NHS: variants seen among roughly 807,000 people sequenced by gnomAD.
NHS encodes the protein NHS actin remodeling regulator.
A neutral mutation model predicts 72.5 loss-of-function variants in NHS; 5 were observed. The observed-to-expected ratio is 0.07, with a 90% CI of 0.04 to 0.14. The LOEUF is 0.14. Among genes scored for constraint, NHS ranks in the 10% least tolerant of loss-of-function variants. The probability of loss-of-function intolerance (pLI) is 1.00; values close to 1 mark genes in which losing one functional copy is unlikely to be tolerated. For missense variants in NHS, 1,072 were observed against 1,355.7 expected (o/e 0.79, Z 3.29); for synonymous variants, 464 against 547.7 (o/e 0.85, Z 2.13).
At chrX:17,387,076 G>A (rs899122649) in intron 1 of NHS, among the ~76,000 whole-genome samples, 1 of 112,193 alleles carries the variant, frequency 8.9e-6, no homozygotes. Flanking sequence ...CCACTGGCAG[G>A]CAGTACTAGC....
At chrX:17,430,315 C>CTTTCTTTCCTTT (rs1555988133) in intron 1 of NHS, among the ~76,000 whole-genome samples, 15 of 58,876 alleles carry the variant, frequency 2.5e-4, no homozygotes, top group African/African-American at 1.0e-3. Context: ...TTCTTTCTTT[C>CTTTCTTTCCTTT]CTTTCTTTCT....
chrX:17,666,338 C>T (rs2066012764), intron 1 of NHS, among the ~76,000 whole-genome samples: 1 of 112,352 alleles, frequency 8.9e-6, no homozygotes, highest in Admixed American at 9.4e-5. Context: ...TAGAATGGTG[C>T]AGTATGCAGT....
chrX:17,688,152 T>C (rs1473573710), intron 2 of NHS, among the ~76,000 whole-genome samples: 1 of 111,987 alleles, frequency 8.9e-6, no homozygotes, highest in Non-Finnish European at 1.9e-5. Flanking sequence ...TATTTCAATA[T>C]GCAAATGCTC....
At chrX:17,626,216 A>G (rs1207204560) in intron 1 of NHS, among the ~76,000 whole-genome samples, 4 of 111,736 alleles carry the variant, frequency 3.6e-5, no homozygotes. Context: ...TTTGTTCTTC[A>G]GTGCTTAGAA....
In NHS at chrX:17,726,671, C is replaced by T. The variant is rs1370289911; in HGVS notation, c.2565C>T (p.Ser855=). The change falls in exon 7 of 9, where the codon AGC becomes AGT. Residue 855 remains serine (S), a synonymous_variant. Transcript: ENST00000676302. ...CAAAGCCGACCCCACCTAAACGTAG[C>T]TCATCATTGAGGAAGTCTGATGGAA... The part of the protein sequence containing the change: ...PKAKPTPPKR[S]SSLRKSDGNA... 1 of 1,210,147 alleles carries T rather than the reference C, an allele frequency of 8.3e-7. No homozygotes were observed. The highest frequency in any genetic ancestry group is 1.7e-5 in the African/African-American group (1 of 57,203).
chrX:17,462,487 A>G (rs1206949781), intron 1 of NHS, among the ~76,000 whole-genome samples: 2 of 111,926 alleles, frequency 1.8e-5, no homozygotes, highest in Non-Finnish European at 3.8e-5. Context: ...AACTATAGGG[A>G]TAATGATTAG....
chrX:17,608,401 A>G (rs192996382), intron 1 of NHS, among the ~76,000 whole-genome samples: 136 of 112,276 alleles, frequency 1.2e-3, no homozygotes, highest in African/African-American at 4.1e-3. Context: ...TCCTTTGAAC[A>G]CATTTCCAGG....
intron 1 of NHS, among the ~76,000 whole-genome samples, chrX:17,648,085 C>T (rs992599201): frequency 9.9e-5 from 11 of 111,419 alleles, no homozygotes; most frequent in South Asian, 3.7e-4. Context: ...TTTTAAAGAA[C>T]GGCATTAGTT....
At chrX:17,379,532 T>C (rs1377515740) in intron 1 of NHS, among the ~76,000 whole-genome samples, 1 of 112,296 alleles carries the variant, frequency 8.9e-6, no homozygotes, top group Non-Finnish European at 1.9e-5. Context: ...CCCAGCACTT[T>C]GGGAGGCCGA....
chrX:17,725,579 C>T lies in NHS; in HGVS notation c.1473C>T (p.Asp491=), dbSNP rs2066436076. 2 of 1,211,867 alleles carry T rather than the reference C, an allele frequency of 1.7e-6. No individual in the cohort carries two copies. The highest frequency in any genetic ancestry group is 5.9e-5 in the East Asian group (2 of 33,851). ...TTTCTGCCCTAGCAGACAAAGGTGA[C>T]ACCATGTTTACTCCTGCAGTGAGCA... ...GNISALADKG[D]TMFTPAVSSR... is the part of the protein sequence containing the mutation. Residue 491 remains aspartate, a synonymous_variant, in exon 7 of 9, where the codon GAC becomes GAT. Coordinates refer to ENST00000676302, the MANE Select transcript of NHS (RefSeq NM_001291867.2).
At chrX:17,429,158 A>G (rs1297083683) in intron 1 of NHS, among the ~76,000 whole-genome samples, 15 of 110,666 alleles carry the variant, frequency 1.4e-4, no homozygotes, top group African/African-American at 3.6e-4. Flanking sequence ...TTAGGGGGGA[A>G]GTTCCTAAAG....
At chrX:17,391,896 T>C (rs2064447305) in intron 1 of NHS, among the ~76,000 whole-genome samples, 1 of 111,798 alleles carries the variant, frequency 8.9e-6, no homozygotes, top group Non-Finnish European at 1.9e-5. Context: ...TAATGACATG[T>C]CTTCTCTTTG....
At chrX:17,406,367 A>G (rs1348069011) in intron 1 of NHS, among the ~76,000 whole-genome samples, 1 of 111,337 alleles carries the variant, frequency 9.0e-6, no homozygotes, top group Admixed American at 9.6e-5. Flanking sequence ...AATATGTCTC[A>G]TGACTGACCT....
intron 1 of NHS, among the ~76,000 whole-genome samples, chrX:17,386,223 C>A (rs1273209029): frequency 9.8e-5 from 11 of 112,001 alleles, no homozygotes; most frequent in African/African-American, 3.6e-4. Flanking sequence ...ACTGTTATGG[C>A]ACTGTCTAAG....
intron 1 of NHS, among the ~76,000 whole-genome samples, chrX:17,536,555 T>A (rs2065225186): frequency 8.9e-6 from 1 of 112,352 alleles, no homozygotes; most frequent in Non-Finnish European, 1.9e-5. Flanking sequence ...TCCTTCTGAG[T>A]CAGAGTCAGA....
chrX:17,607,919 CTT>C (rs749347077), intron 1 of NHS, among the ~76,000 whole-genome samples: 19 of 92,205 alleles, frequency 2.1e-4, no homozygotes, highest in African/African-American at 3.3e-4. Flanking sequence ...CTTTTCTTTT[CTT>C]TTTTTTTTTT....
intron 1 of NHS, among the ~76,000 whole-genome samples, chrX:17,591,575 C>T (rs772964849): frequency 9.0e-6 from 1 of 111,695 alleles, no homozygotes; most frequent in Admixed American, 9.5e-5. Context: ...CCTTCGTGCC[C>T]AGGTCAAACT....
At chrX:17,564,697 A>AT (rs1334426779) in intron 1 of NHS, among the ~76,000 whole-genome samples, 1 of 112,271 alleles carries the variant, frequency 8.9e-6, no homozygotes, top group South Asian at 3.6e-4. Flanking sequence ...TCAAATTGCC[A>AT]TTTTTTTGTG....
chrX:17,595,261 C>G (rs1342096364), intron 1 of NHS, among the ~76,000 whole-genome samples: 2 of 111,561 alleles, frequency 1.8e-5, no homozygotes, highest in African/African-American at 6.5e-5. Flanking sequence ...AGGATCCTTT[C>G]CATGAGACTG....
Sources: gnomAD v4.1 joint callset for allele counts (sites outside exome capture counted in the v4.1 genomes callset) on GRCh38, gnomAD v4.1.1 for gene constraint, MANE v1.5 for transcripts, NCBI Gene and HGNC (gene_info 2026-07-23, HGNC 2026-07-21) for gene names.